Variants in MPP7 observed in about 807,000 individuals in gnomAD.
The protein encoded by MPP7 is MAGUK p55 subfamily member 7.
A neutral mutation model predicts 76.5 loss-of-function variants in MPP7; 60 were observed. The ratio of observed to expected loss-of-function variants is 0.78; its 90% CI spans 0.64 to 0.97. The LOEUF is 0.97. MPP7 is among the 50% of genes least tolerant of loss of function. The pLI is 0.00. For missense variants in MPP7, 641 were observed against 694.0 expected (o/e 0.92, Z 0.86); for synonymous variants, 237 against 244.5 (o/e 0.97, Z 0.29).
intron 12 of MPP7, among the ~76,000 whole-genome samples, chr10:28,074,562 G>T (rs183153055): frequency 3.3e-5 from 5 of 152,162 alleles, no homozygotes; most frequent in Admixed American, 2.0e-4. Flanking sequence ...TTCCCAAAGC[G>T]CTGGGATTAC....
At chr10:28,169,495 A>T (rs895765497) in intron 3 of MPP7, among the ~76,000 whole-genome samples, 6 of 149,190 alleles carry the variant, frequency 4.0e-5, no homozygotes, top group Admixed American at 6.6e-5. Context: ...CAGCCTGGGC[A>T]ACAAAGCAAG....
intron 1 of MPP7, among the ~76,000 whole-genome samples, chr10:28,254,304 A>G (rs959540531): frequency 6.6e-6 from 1 of 152,210 alleles, no homozygotes; most frequent in Non-Finnish European, 1.5e-5. Context: ...ATAAATGGCT[A>G]TAAAAAGAAA....
chr10:28,264,171 C>T (rs1264668314), intron 1 of MPP7, among the ~76,000 whole-genome samples: 1 of 152,030 alleles, frequency 6.6e-6, no homozygotes, highest in African/African-American at 2.4e-5. Flanking sequence ...GGATGGCACT[C>T]ACCTGCAGTC....
intron 1 of MPP7, among the ~76,000 whole-genome samples, chr10:28,250,427 C>A (rs1038983627): frequency 6.6e-6 from 1 of 152,114 alleles, no homozygotes; most frequent in African/African-American, 2.4e-5. Context: ...TCCACATCTC[C>A]CAGCCTCTTA....
chr10:28,165,512 T>G (rs535859159), intron 3 of MPP7, among the ~76,000 whole-genome samples: 1 of 140,014 alleles, frequency 7.1e-6, no homozygotes, highest in African/African-American at 2.7e-5. Flanking sequence ...GGCTATAGAG[T>G]GAGACCTTGT....
At chr10:28,182,063 C>G (rs1400574166) in intron 3 of MPP7, among the ~76,000 whole-genome samples, 2 of 152,028 alleles carry the variant, frequency 1.3e-5, no homozygotes, top group Non-Finnish European at 2.9e-5. Context: ...GATAAATTAT[C>G]GGAAAGAGTG....
At chr10:28,329,499 G>A (rs552262825) in intron 2 of MPP7, among the ~76,000 whole-genome samples, 1 of 151,906 alleles carries the variant, frequency 6.6e-6, no homozygotes, top group Non-Finnish European at 1.5e-5. Context: ...CGTGGTGGTG[G>A]GTTCCTGTAG....
intron 2 of MPP7, among the ~76,000 whole-genome samples, chr10:28,308,635 T>C (rs116346795): frequency 0.013 from 2,029 of 152,200 alleles, 57 homozygotes; most frequent in African/African-American, 0.046. Context: ...TTAATTATCT[T>C]GGTGTGGTAG....
At chr10:28,311,203 T>C (rs1841287726) in intron 2 of MPP7, among the ~76,000 whole-genome samples, 1 of 152,242 alleles carries the variant, frequency 6.6e-6, no homozygotes, top group African/African-American at 2.4e-5. Flanking sequence ...ATTTATTTTT[T>C]TCTATTTGGC....
At chr10:28,237,426 T>C (rs1839113639) in intron 2 of MPP7, among the ~76,000 whole-genome samples, 1 of 152,098 alleles carries the variant, frequency 6.6e-6, no homozygotes, top group Non-Finnish European at 1.5e-5. Context: ...TCAAAACTTC[T>C]TCCTGACAAA....
chr10:28,094,647 G>T (rs568436333), intron 11 of MPP7, among the ~76,000 whole-genome samples: 1 of 152,156 alleles, frequency 6.6e-6, no homozygotes, highest in African/African-American at 2.4e-5. Flanking sequence ...AAAAAGCGGG[G>T]TGAGGAGGGG....
chr10:28,076,649 AG>A (rs1852497219), intron 12 of MPP7, among the ~76,000 whole-genome samples: 1 of 152,162 alleles, frequency 6.6e-6, no homozygotes, highest in Non-Finnish European at 1.5e-5. Flanking sequence ...GCACTTTGGG[AG>A]GCCAAGACAG....
At chr10:28,251,461 CA>C (rs1049406176) in intron 1 of MPP7, among the ~76,000 whole-genome samples, 5 of 149,278 alleles carry the variant, frequency 3.3e-5, no homozygotes, top group Admixed American at 1.3e-4. Context: ...GGCCCTGTCT[CA>C]AAAAAAAATT....
At chr10:28,229,956 T>C (rs55654850) in intron 2 of MPP7, among the ~76,000 whole-genome samples, 1 of 151,792 alleles carries the variant, frequency 6.6e-6, no homozygotes, top group Non-Finnish European at 1.5e-5. Context: ...TTTTTTATTT[T>C]AAAAAGAGAA....
chr10:28,124,253 C>T, intron 7 of MPP7, 137 bp from the exon 8 acceptor site: 1 of 646,916 alleles, frequency 1.5e-6, no homozygotes, highest in South Asian at 1.8e-5. Flanking sequence ...TCACACATCT[C>T]AGGTTTCAGC....
rs866490147 is a variant in MPP7, at chr10:28,262,224, T to C, written c.-131-23489A>G. ...ATATATATACATATATATATATATATACATATATATATATATATACATATA... is the reference window on the plus strand; with the variant it reads ...ATATATATACATATATATATATATACACATATATATATATATATACATATA... On this transcript the variant is annotated intron_variant, in intron 1 of 16. Transcript: ENST00000683449. Among the ~76,000 whole-genome samples the C allele has an allele frequency of 9.1e-3, 239 of 26,190 alleles. 14 individuals carry two copies. Among genetic ancestry groups the C allele is most frequent in the East Asian group, 0.018 (12 of 672 alleles). 17.2% of individuals were successfully genotyped at this position (26,190 alleles called of 152,430 possible). A position where few individuals can be genotyped will look rare whatever the true frequency, so the allele number is the denominator to read the frequency against.
At chr10:28,142,926 C>T (rs1232079047) in intron 5 of MPP7, among the ~76,000 whole-genome samples, 1 of 152,038 alleles carries the variant, frequency 6.6e-6, no homozygotes, top group Non-Finnish European at 1.5e-5. Context: ...AATTTACTGT[C>T]CTAATTAAAG....
chr10:28,261,892 G>T (rs531367611), intron 1 of MPP7, among the ~76,000 whole-genome samples: 1 of 151,674 alleles, frequency 6.6e-6, no homozygotes, highest in Non-Finnish European at 1.5e-5. Context: ...GCTCACACCT[G>T]TAATCCCAGC....
chr10:28,216,658 A>AAC (rs1838319109), intron 2 of MPP7, among the ~76,000 whole-genome samples: 1 of 152,202 alleles, frequency 6.6e-6, no homozygotes. Context: ...AGACATAATA[A>AAC]ACACACACAC....
Sources: allele counts gnomAD v4.1 joint callset (sites outside exome capture counted in the v4.1 genomes callset), GRCh38; gene constraint gnomAD v4.1.1; transcripts MANE v1.5; gene names NCBI Gene and HGNC (gene_info 2026-07-23, HGNC 2026-07-21).